The following DLGAP2 variants were observed in gnomAD, a reference collection of about 807,000 sequenced individuals.
The protein encoded by DLGAP2 is DLG associated protein 2.
In DLGAP2, 26 loss-of-function variants were observed where a neutral mutation model predicts 100.3. The ratio of observed to expected loss-of-function variants is 0.26; its 90% confidence interval spans 0.19 to 0.36. DLGAP2 has a LOEUF of 0.36. Ranked by LOEUF, DLGAP2 falls within the 10% of genes least tolerant of loss-of-function variation. DLGAP2 has a pLI of 1.00. For missense variants in DLGAP2, 1,858 were observed against 1,453.2 expected (o/e 1.28, Z -4.53); for synonymous variants, 886 against 630.1 (o/e 1.41, Z -6.08).
At chr8:1,391,948 A>G (rs1796367669) in intron 3 of DLGAP2, among the ~76,000 whole-genome samples, 1 of 151,716 alleles carries the variant, frequency 6.6e-6, no homozygotes, top group Non-Finnish European at 1.5e-5. Context: ...CTGTGACAAA[A>G]TAACCCATTG....
intron 2 of DLGAP2, among the ~76,000 whole-genome samples, chr8:1,025,120 A>ATGTGCGTGTGCATGTGTG (rs1187219031): frequency 6.6e-6 from 1 of 151,064 alleles, no homozygotes; most frequent in Non-Finnish European, 1.5e-5. Context: ...GTGTGCGTGC[A>ATGTGCGTGTGCATGTGTG]TGTGCGTGTG....
intron 3 of DLGAP2, among the ~76,000 whole-genome samples, chr8:1,420,711 C>T (rs539417853): frequency 2.0e-5 from 3 of 152,310 alleles, no homozygotes; most frequent in Admixed American, 1.3e-4. Context: ...AAAGCCACTG[C>T]TGTTTCCCAA....
chr8:925,384 A>G (rs1379093362), intron 2 of DLGAP2, among the ~76,000 whole-genome samples: 1 of 152,124 alleles, frequency 6.6e-6, no homozygotes, highest in Non-Finnish European at 1.5e-5. Flanking sequence ...AGCTTGTTTC[A>G]TATACATATA....
intron 8 of DLGAP2, among the ~76,000 whole-genome samples, chr8:1,647,176 G>A (rs1182546510): frequency 6.6e-6 from 1 of 152,136 alleles, no homozygotes; most frequent in Non-Finnish European, 1.5e-5. Context: ...CTGGTTGCTG[G>A]ATCTGGAACT....
At chr8:1,331,706 A>G (rs982154651) in intron 3 of DLGAP2, among the ~76,000 whole-genome samples, 4 of 152,232 alleles carry the variant, frequency 2.6e-5, no homozygotes, top group Non-Finnish European at 5.9e-5. Context: ...TGACCCACTT[A>G]TAGAAGGGTC....
intron 2 of DLGAP2, among the ~76,000 whole-genome samples, chr8:1,057,617 GTCTT>G (rs1802922427): frequency 6.6e-6 from 1 of 152,186 alleles, no homozygotes; most frequent in Admixed American, 6.5e-5. Flanking sequence ...CACCGACAAA[GTCTT>G]TCTGGAGAAT....
chr8:1,197,406 A>G (rs1406629763), intron 2 of DLGAP2, among the ~76,000 whole-genome samples: 2 of 152,202 alleles, frequency 1.3e-5, no homozygotes, highest in Admixed American at 1.3e-4. Flanking sequence ...ACCCAAACCA[A>G]GACAAAGGCC....
chr8:851,865 C>T (rs533446360), intron 1 of DLGAP2, among the ~76,000 whole-genome samples: 9 of 152,242 alleles, frequency 5.9e-5, no homozygotes, highest in Admixed American at 2.6e-4. Flanking sequence ...GCAGGGGGCC[C>T]CCGCTGCGTT....
intron 6 of DLGAP2, among the ~76,000 whole-genome samples, chr8:1,583,430 C>A (rs56244424): frequency 1.3e-5 from 2 of 152,160 alleles, no homozygotes. Flanking sequence ...GGTACCTGGC[C>A]TGGGGATCTC....
rs186726301 is a variant in DLGAP2 at position 1,095,826 on chromosome 8, A to T, written c.74-163025A>T. 1.2e-4 allele frequency among the ~76,000 whole-genome samples: 19 copies of T among 152,364 alleles called. No individual in the cohort carries two copies. In the East Asian group the frequency reaches 3.1e-3, roughly 25 times the overall value. On this transcript the variant is annotated intron_variant, in intron 2 of 14. Transcript: ENST00000637795. ...AGGTAATAAAGCAATTGCATGCATT[A>T]GGAAGAGCTTATTTATTTTTCAGTG...
chr8:1,487,929 C>A (rs1376953216), intron 3 of DLGAP2, among the ~76,000 whole-genome samples: 1 of 152,188 alleles, frequency 6.6e-6, no homozygotes, highest in Non-Finnish European at 1.5e-5. Context: ...TCAGATTATC[C>A]CTCTAAACAT....
At chr8:854,976 T>C (rs1256612902) in intron 1 of DLGAP2, among the ~76,000 whole-genome samples, 3 of 152,190 alleles carry the variant, frequency 2.0e-5, no homozygotes, top group Admixed American at 2.0e-4. Flanking sequence ...AAGTGCAGGT[T>C]AAAAAAGAAA....
chr8:1,614,438 C>T (rs937975533), intron 6 of DLGAP2, among the ~76,000 whole-genome samples: 1 of 152,234 alleles, frequency 6.6e-6, no homozygotes, highest in Non-Finnish European at 1.5e-5. Flanking sequence ...AATATGACCA[C>T]AGACACCCGG....
At chr8:1,598,231 A>G (rs1337457831) in intron 6 of DLGAP2, among the ~76,000 whole-genome samples, 1 of 152,196 alleles carries the variant, frequency 6.6e-6, no homozygotes, top group Non-Finnish European at 1.5e-5. Context: ...ATCGTGGTGG[A>G]TAAACTTTTT....
At chr8:1,059,268 A>C (rs1280023334) in intron 2 of DLGAP2, among the ~76,000 whole-genome samples, 1 of 151,960 alleles carries the variant, frequency 6.6e-6, no homozygotes, top group Non-Finnish European at 1.5e-5. Context: ...GGGTCCCAGC[A>C]TACTCCATCC....
intron 3 of DLGAP2, among the ~76,000 whole-genome samples, chr8:1,475,454 G>C (rs910056909): frequency 1.8e-4 from 28 of 152,176 alleles, no homozygotes; most frequent in African/African-American, 6.0e-4. Context: ...CCATAATGGT[G>C]AGCAGGCATC....
At chr8:1,143,610 G>T (rs1291099707) in intron 2 of DLGAP2, among the ~76,000 whole-genome samples, 2 of 152,190 alleles carry the variant, frequency 1.3e-5, no homozygotes, top group Non-Finnish European at 2.9e-5. Context: ...GGGAAGTGCA[G>T]TTCTGCAGGC....
chr8:1,056,845 A>C (rs566491490), intron 2 of DLGAP2, among the ~76,000 whole-genome samples: 5 of 152,368 alleles, frequency 3.3e-5, no homozygotes, highest in Admixed American at 6.5e-5. Flanking sequence ...GTGCCCCTGA[A>C]TTTCTAATTG....
chr8:1,437,926 C>T (rs978997230), intron 3 of DLGAP2, among the ~76,000 whole-genome samples: 3 of 151,658 alleles, frequency 2.0e-5, no homozygotes, highest in Middle Eastern at 3.4e-3. Context: ...ATGGAGGTTG[C>T]AGTGAACCGA....
Sources: gnomAD v4.1 joint callset for allele counts (sites outside exome capture counted in the v4.1 genomes callset) on GRCh38, gnomAD v4.1.1 for gene constraint, MANE v1.5 for transcripts, NCBI Gene and HGNC (gene_info 2026-07-23, HGNC 2026-07-21) for gene names.